Variants in SORCS3 observed in about 807,000 individuals in gnomAD.
SORCS3 encodes sortilin related VPS10 domain containing receptor 3.
SORCS3 carries 57 observed loss-of-function variants against 146.3 expected under a neutral mutation model. The ratio of observed to expected loss-of-function variants is 0.39; its 90% CI spans 0.31 to 0.49. The LOEUF (loss-of-function observed/expected upper bound fraction) is 0.49. Ranked by LOEUF, SORCS3 falls within the 20% of genes least tolerant of loss-of-function variation. The pLI is 0.92. For synonymous variants in SORCS3, 653 were observed against 618.5 expected (o/e 1.06, Z -0.83); for missense variants, 1,341 against 1,575.5 (o/e 0.85, Z 2.52).
At chr10:104,670,051 G>T (rs1056640730) in intron 1 of SORCS3, among the ~76,000 whole-genome samples, 2 of 151,878 alleles carry the variant, frequency 1.3e-5, no homozygotes, top group East Asian at 3.9e-4. Context: ...CAAGTCCTTT[G>T]CCCATTTTTG....
intron 7 of SORCS3, among the ~76,000 whole-genome samples, chr10:105,110,294 G>A (rs2055850950): frequency 2.0e-5 from 3 of 151,694 alleles, no homozygotes; most frequent in African/African-American, 7.3e-5. Context: ...ATAGAGGTGA[G>A]CTCTTCATCA....
chr10:105,049,185 T>G (rs1481092937), intron 5 of SORCS3, among the ~76,000 whole-genome samples: 2 of 152,096 alleles, frequency 1.3e-5, no homozygotes, highest in African/African-American at 4.8e-5. Context: ...GCAAAGTAGC[T>G]TTTTACTGAA....
chr10:105,002,701 A>C (rs1400355301), intron 4 of SORCS3, among the ~76,000 whole-genome samples: 1 of 152,264 alleles, frequency 6.6e-6, no homozygotes, highest in Non-Finnish European at 1.5e-5. Flanking sequence ...ATCATTGCAG[A>C]AAGTTCTACT....
At chr10:105,248,531 T>A (rs949988940) in intron 22 of SORCS3, among the ~76,000 whole-genome samples, 5 of 151,978 alleles carry the variant, frequency 3.3e-5, no homozygotes, top group African/African-American at 1.2e-4. Flanking sequence ...CTGGCCAACA[T>A]GGTGAAACCC....
rs371098881 is a variant in SORCS3, at chr10:105,262,472, G to C, written c.3585G>C (p.Glu1195Asp). Residue 1195 changes from glutamate to aspartate, a missense_variant, in exon 26 of 27, where the codon GAG (glutamate) becomes GAC (aspartate). Transcript: ENST00000369701. ...FTEPEELLDK[E>D]LDTRVIGGIA... ...AGCCTGAGGAGCTGCTGGACAAAGA[G>C]CTGGACACGCGGGTCATAGGTACAT... 102 of 1,613,678 alleles carry C rather than the reference G, an allele frequency of 6.3e-5. No homozygotes were observed. Among genetic ancestry groups the C allele is most frequent in the Non-Finnish European group, 8.1e-5 (95 of 1,179,902 alleles).
Position 105,047,464 on chromosome 10 carries a change from A to G in SORCS3, c.1028+4336A>G, listed in dbSNP as rs980344881. On this transcript the variant is annotated intron_variant, in intron 5 of 26. Transcript: ENST00000369701. Reference sequence around the variant, plus strand: ...CCCTTTTTTGTCCCTCTTCTTTATCATTGCTGCAGGAAATTGTGCTGATAA... The same window carrying G: ...CCCTTTTTTGTCCCTCTTCTTTATCGTTGCTGCAGGAAATTGTGCTGATAA... Among the ~76,000 whole-genome samples the G allele has an allele frequency of 2.0e-5, 3 of 152,014 alleles. No homozygotes were observed. In the East Asian group the frequency reaches 5.8e-4, roughly 29 times the overall value.
chr10:105,102,724 G>A (rs2055793771), intron 6 of SORCS3, among the ~76,000 whole-genome samples: 1 of 146,952 alleles, frequency 6.8e-6, no homozygotes, highest in African/African-American at 2.5e-5. Context: ...CATTTGGAGT[G>A]TTGGCCTCAA....
chr10:104,827,652 A>G (rs186214018), intron 1 of SORCS3, among the ~76,000 whole-genome samples: 417 of 152,294 alleles, frequency 2.7e-3, no homozygotes, highest in African/African-American at 9.6e-3. Flanking sequence ...GCTTTAGCCT[A>G]GATGAGTTAT....
chr10:104,982,318 G>A (rs947303472), intron 4 of SORCS3, among the ~76,000 whole-genome samples: 1 of 152,122 alleles, frequency 6.6e-6, no homozygotes, highest in African/African-American at 2.4e-5. Flanking sequence ...CTGGAATGCT[G>A]GATCCAAAGA....
intron 1 of SORCS3, among the ~76,000 whole-genome samples, chr10:104,840,913 G>A (rs1364211706): frequency 1.1e-5 from 1 of 93,380 alleles, no homozygotes; most frequent in African/African-American, 4.3e-5. Flanking sequence ...ATTCCTAGTA[G>A]ATCAGTTTTG....
intron 1 of SORCS3, among the ~76,000 whole-genome samples, chr10:104,698,187 A>G (rs1260237430): frequency 6.6e-5 from 10 of 152,150 alleles, no homozygotes; most frequent in African/African-American, 2.2e-4. Context: ...CTTGTGAAGT[A>G]AGGAAGGCAG....
At chr10:105,062,858 C>A (rs1401784056) in intron 5 of SORCS3, among the ~76,000 whole-genome samples, 2 of 152,134 alleles carry the variant, frequency 1.3e-5, no homozygotes, top group Non-Finnish European at 2.9e-5. Flanking sequence ...ACCACAGTGC[C>A]AGGCTCCATC....
intron 6 of SORCS3, among the ~76,000 whole-genome samples, chr10:105,095,336 G>A (rs761604634): frequency 1.3e-5 from 2 of 152,160 alleles, no homozygotes; most frequent in Non-Finnish European, 2.9e-5. Flanking sequence ...TGGTGGAGGA[G>A]CAGACTGTGA....
chr10:105,238,741 G>A (rs960457702), intron 20 of SORCS3, among the ~76,000 whole-genome samples: 1 of 152,216 alleles, frequency 6.6e-6, no homozygotes, highest in African/African-American at 2.4e-5. Context: ...TACTGTCAAA[G>A]AGTTTTTAGA....
chr10:104,903,055 A>G (rs2018868393), intron 2 of SORCS3, among the ~76,000 whole-genome samples: 1 of 152,198 alleles, frequency 6.6e-6, no homozygotes, highest in African/African-American at 2.4e-5. Context: ...ATGGCCGGGC[A>G]TTGAAGTAGA....
intron 1 of SORCS3, among the ~76,000 whole-genome samples, chr10:104,827,593 G>A (rs148866268): frequency 2.0e-5 from 3 of 152,232 alleles, no homozygotes; most frequent in Middle Eastern, 3.4e-3. Context: ...AGGAGATTGA[G>A]CATAATTCTT....
intron 4 of SORCS3, among the ~76,000 whole-genome samples, chr10:104,990,915 AG>A (rs1251242155): frequency 6.6e-6 from 1 of 152,206 alleles, no homozygotes; most frequent in Non-Finnish European, 1.5e-5. Flanking sequence ...GAGCTGTTCT[AG>A]AATAAATCTG....
At chr10:104,776,512 A>G (rs2017309638) in intron 1 of SORCS3, among the ~76,000 whole-genome samples, 1 of 152,142 alleles carries the variant, frequency 6.6e-6, no homozygotes, top group Non-Finnish European at 1.5e-5. Flanking sequence ...GCTTTAAAAA[A>G]TTTCTTTTTC....
intron 7 of SORCS3, among the ~76,000 whole-genome samples, chr10:105,120,361 T>C (rs1045263144): frequency 3.9e-5 from 6 of 152,324 alleles, no homozygotes; most frequent in Non-Finnish European, 8.8e-5. Context: ...TATTTCCTCA[T>C]AGCAGTGTGA....
Sources: allele counts gnomAD v4.1 joint callset (sites outside exome capture counted in the v4.1 genomes callset), GRCh38; gene constraint gnomAD v4.1.1; transcripts MANE v1.5; gene names NCBI Gene and HGNC (gene_info 2026-07-23, HGNC 2026-07-21).